Variants in SMG1 observed in about 807,000 individuals in gnomAD.
The protein encoded by SMG1 is SMG1 nonsense mediated mRNA decay associated PI3K related kinase.
In SMG1, 22 loss-of-function variants were observed where a neutral mutation model predicts 419.9. The ratio of observed to expected loss-of-function variants is 0.05; its 90% CI spans 0.04 to 0.07. SMG1 has a LOEUF of 0.07. SMG1 is among the 10% of genes least tolerant of loss of function. The pLI is 1.00. For synonymous variants in SMG1, 1,538 were observed against 1,553.5 expected, an observed-to-expected ratio of 0.99 and a Z score of 0.23; for missense variants, 3,185 against 4,342.0, an observed-to-expected ratio of 0.73 and a Z score of 7.49.
chr16:18,836,474 C>T lies in SMG1; in HGVS notation c.7663G>A (p.Val2555Met), dbSNP rs2033581188. Reference protein sequence around the residue: ...QQRAVQEAIQVKLNEFEQWIT... With the variant: ...QQRAVQEAIQMKLNEFEQWIT... ...CATTGTTCAAATTCATTCAGCTTCA[C>T]CTGGATTGCTTCCTGAACAGCTCTT... The change falls in exon 47 of 63, where the codon GTG becomes ATG. Residue 2555 changes from valine (V) to methionine (M), a missense_variant. Physicochemically the swap from Val to Met is conservative, Grantham distance 21. Transcript: ENST00000446231. 2 of 1,614,030 alleles carry T rather than the reference C, an allele frequency of 1.2e-6. No homozygotes were observed. The highest frequency in any genetic ancestry group is 1.1e-5 in the South Asian group (1 of 91,078).
chr16:18,847,726 C>A (rs763408068), intron 37 of SMG1, 90 bp downstream of exon 37: 1 of 1,568,270 alleles, frequency 6.4e-7, no homozygotes, highest in Non-Finnish European at 8.7e-7. Context: ...AATTGGAGAA[C>A]CCTGACCAGT....
chr16:18,875,962 A>C, intron 13 of SMG1, 162 bp downstream of exon 13: 3 of 727,956 alleles, frequency 4.1e-6, no homozygotes, highest in Non-Finnish European at 6.8e-6. Flanking sequence ...TGCCAAGAAA[A>C]CATTCCTACC....
Position 18,858,265 on chromosome 16 carries a change from T to C in SMG1, c.4139A>G (p.Glu1380Gly). Residue 1380 changes from glutamate to glycine, a missense_variant, in exon 29 of 63, where the codon GAA (glutamate) becomes GGA (glycine). By Grantham distance (98) the Glu-to-Gly change is moderately conservative (BLOSUM62 -2). Around this residue, in one of 27 missense-constraint regions of SMG1, gnomAD observed 493 missense variants for 552.9 expected, o/e 0.89. Transcript: ENST00000446231. ...TEDCLIPLFSEALRSCKQHDV... is the reference protein window; with the variant it reads ...TEDCLIPLFSGALRSCKQHDV... The stretch of plus-strand genomic sequence containing the variant: ...ATGCTGTTTACATGAACGTAAAGCT[T>C]CACTGAAGAGTGGAATAAGACAGTC... 6.2e-7 allele frequency: 1 copy of C among 1,607,396 alleles called. No homozygotes were observed. Among genetic ancestry groups the C allele is most frequent in the Non-Finnish European group, 8.5e-7 (1 of 1,177,640 alleles).
chr16:18,909,785 A>G (rs375766526), intron 1 of SMG1, among the ~76,000 whole-genome samples: 3 of 152,190 alleles, frequency 2.0e-5, no homozygotes, highest in South Asian at 2.1e-4. Context: ...CGATGCTCCC[A>G]CCATGCTCAG....
chr16:18,812,585 T>C (rs1406225999), intron 60 of SMG1, among the ~76,000 whole-genome samples: 2 of 149,914 alleles, frequency 1.3e-5, no homozygotes, highest in Non-Finnish European at 3.0e-5. Flanking sequence ...CACACATATA[T>C]ATACATATAT....
At chr16:18,902,994 T>C (rs1353636608) in intron 1 of SMG1, among the ~76,000 whole-genome samples, 2 of 152,038 alleles carry the variant, frequency 1.3e-5, no homozygotes, top group Non-Finnish European at 2.9e-5. Flanking sequence ...TTTTGTATTT[T>C]TTTTGTCCCA....
Position 18,872,587 on chromosome 16 carries a change from C to T in SMG1, c.1928G>A (p.Ser643Asn), listed in dbSNP as rs1384823170. 6.7e-7 allele frequency: 1 copy of T among 1,486,630 alleles called. No individual in the cohort carries two copies. The highest frequency in any genetic ancestry group is 2.1e-5 in the Admixed American group (1 of 48,344). 92.1% of individuals were successfully genotyped at this position (1,486,630 alleles called of 1,614,324 possible). The part of the protein sequence containing the change: ...ALSPTVFALL[S>N]KNLMIVHSDL... ...ACTGTGCACAATCATCAGATTCTTACTCAGAAGTGCAAAGACAGTTGGAGA... is the reference window on the plus strand; with the variant it reads ...ACTGTGCACAATCATCAGATTCTTATTCAGAAGTGCAAAGACAGTTGGAGA... The change falls in exon 14 of 63, where the codon AGT (serine) becomes AAT (asparagine). Residue 643 changes from serine to asparagine, a missense_variant. Around this residue, in one of 27 missense-constraint regions of SMG1, gnomAD observed 297 missense variants for 491.0 expected, o/e 0.60. Coordinates refer to ENST00000446231, the MANE Select transcript of SMG1 (RefSeq NM_015092.5).
chr16:18,854,981 T>TC (rs2034817111), intron 29 of SMG1, 77 bp from the exon 30 acceptor site: 1 of 1,359,350 alleles, frequency 7.4e-7, no homozygotes, highest in Admixed American at 2.2e-5. Context: ...AAAAAATTAT[T>TC]CCCCAACTAT....
intron 54 of SMG1, among the ~76,000 whole-genome samples, chr16:18,828,556 CAAA>C (rs1350153819): frequency 6.6e-6 from 1 of 152,156 alleles, no homozygotes; most frequent in Non-Finnish European, 1.5e-5. Context: ...TAATTAAGGC[CAAA>C]ACTAGGCTTC....
Position 18,816,610 on chromosome 16 carries a change from A to G in SMG1, c.10075-81T>C, listed in dbSNP as rs1028290630. The G allele has an allele frequency of 5.3e-5, 62 of 1,166,206 alleles. No homozygotes were observed. The African/African-American group carries it at 5.5e-4, about 10-fold the overall frequency. The allele number at this position is 1,166,206 out of a possible 1,614,324, so 72.2% of individuals were successfully genotyped here. The stretch of plus-strand genomic sequence containing the variant: ...TTCTTCATTAACATCATCAAAAGAT[A>G]TTAGTAACTCAAGCTGACACAAAGA... On this transcript the variant is annotated intron_variant, in intron 57 of 62. Transcript: ENST00000446231.
intron 1 of SMG1, among the ~76,000 whole-genome samples, chr16:18,919,264 T>C (rs890443040): frequency 2.6e-5 from 4 of 151,114 alleles, no homozygotes; most frequent in Admixed American, 2.0e-4. Context: ...GAGGCCGAGG[T>C]TGCAGTGAGC....
intron 6 of SMG1, among the ~76,000 whole-genome samples, chr16:18,888,368 A>G (rs1199897236): frequency 1.3e-5 from 2 of 150,092 alleles, no homozygotes; most frequent in East Asian, 3.9e-4. Flanking sequence ...AATGTGAAGC[A>G]CTCTTCTATC....
chr16:18,882,792 C>G (rs1003472365), intron 9 of SMG1, among the ~76,000 whole-genome samples: 2 of 152,114 alleles, frequency 1.3e-5, no homozygotes, highest in South Asian at 4.1e-4. Flanking sequence ...ACCTGGTCTA[C>G]AGATGTGTAA....
intron 44 of SMG1, 60 bp downstream of exon 44, chr16:18,838,293 TTTCA>T (rs1383940072): frequency 1.9e-6 from 3 of 1,607,354 alleles, no homozygotes; most frequent in African/African-American, 2.7e-5. Flanking sequence ...AAAGTGTGGT[TTTCA>T]TTCCACAGGT....
chr16:18,864,939 T>C (rs2035419896), intron 23 of SMG1, among the ~76,000 whole-genome samples: 1 of 152,132 alleles, frequency 6.6e-6, no homozygotes, highest in African/African-American at 2.4e-5. Flanking sequence ...TAAATGTTTT[T>C]AAAAAAATGT....
chr16:18,867,526 AAAATAAATAAATAAAT>A (rs139133406), intron 22 of SMG1, among the ~76,000 whole-genome samples: 147 of 142,130 alleles, frequency 1.0e-3, no homozygotes, highest in Middle Eastern at 3.5e-3. Context: ...TGTGTCTCAA[AAAATAAATAAATAAAT>A]AAATAAATAA....
intron 13 of SMG1, among the ~76,000 whole-genome samples, chr16:18,874,901 G>A (rs954902391): frequency 5.1e-4 from 11 of 21,632 alleles, no homozygotes; most frequent in East Asian, 3.5e-3. Flanking sequence ...AAAAAAAAAA[G>A]CCTTTTTTTT....
chr16:18,868,451 T>A, intron 21 of SMG1, 72 bp downstream of exon 21: 2 of 1,498,340 alleles, frequency 1.3e-6, no homozygotes, highest in South Asian at 2.3e-5. Flanking sequence ...CTACTGTGAT[T>A]TCAGCTCTGC....
Position 18,852,199 on chromosome 16 carries a change from T to C in SMG1, c.4920A>G (p.Gly1640=), listed in dbSNP as rs771768021. 1 of 1,611,988 alleles carries C rather than the reference T, an allele frequency of 6.2e-7. No individual in the cohort carries two copies. Among genetic ancestry groups the C allele is most frequent in the Non-Finnish European group, 8.5e-7 (1 of 1,179,360 alleles). ...CTCTAGGCAGCAGACGAACACCTTC[T>C]CCCTGACTATAAAAATAAACAAGTC... The part of the protein sequence containing the change: ...GRKVVDNASQ[G]EGVRLLPREK... Residue 1640 remains glycine (G), a synonymous_variant, in exon 33 of 63, where the codon GGA becomes GGG. Transcript: ENST00000446231.
Sources: allele counts gnomAD v4.1 joint callset (sites outside exome capture counted in the v4.1 genomes callset), GRCh38; gene constraint gnomAD v4.1.1; regional missense constraint gnomAD v4.1.1; transcripts MANE v1.5; gene names NCBI Gene and HGNC (gene_info 2026-07-23, HGNC 2026-07-21).